The following NRXN1 variants were observed in gnomAD, a reference collection of about 807,000 sequenced individuals.
NRXN1 encodes neurexin 1.
In NRXN1, 39 loss-of-function variants were observed where a neutral mutation model predicts 150.9. That is an observed-to-expected ratio of 0.26 (90% confidence interval 0.20 to 0.34). NRXN1 has a LOEUF of 0.34. NRXN1 is among the 10% of genes least tolerant of loss of function. The pLI, the probability that NRXN1 is intolerant of heterozygous loss-of-function variation, is 1.00. For synonymous variants in NRXN1, 924 were observed against 757.0 expected (o/e 1.22, Z -3.62); for missense variants, 1,815 against 1,949.9 (o/e 0.93, Z 1.30).
intron 17 of NRXN1, among the ~76,000 whole-genome samples, chr2:50,384,174 C>G (rs2081158641): frequency 6.6e-6 from 1 of 152,134 alleles, no homozygotes; most frequent in Admixed American, 6.5e-5. Context: ...AAATGTTTTC[C>G]TATCTATTGA....
At chr2:51,012,748 A>G (rs1373861561) in intron 2 of NRXN1, among the ~76,000 whole-genome samples, 1 of 152,054 alleles carries the variant, frequency 6.6e-6, no homozygotes, top group Non-Finnish European at 1.5e-5. Flanking sequence ...GGGGTCAAAG[A>G]TGAGGCTAGA....
At chr2:50,823,490 T>A (rs886517393) in intron 5 of NRXN1, among the ~76,000 whole-genome samples, 1 of 152,202 alleles carries the variant, frequency 6.6e-6, no homozygotes, top group East Asian at 1.9e-4. Flanking sequence ...TTTGTTATTA[T>A]AAGTAGTAGC....
rs187204862 is a variant in NRXN1 at position 50,735,234 on chromosome 2, A to T, written c.833-111619T>A. On this transcript the variant is annotated intron_variant, in intron 5 of 22. Transcript: ENST00000401669. Reference sequence around the variant, plus strand: ...TGGATACCTTTATAATTTTTTTTTAATTTCACCAAATCAATATTTACATAT... The same window carrying T: ...TGGATACCTTTATAATTTTTTTTTATTTTCACCAAATCAATATTTACATAT... Among the ~76,000 whole-genome samples, 6 of 152,158 alleles carry T rather than the reference A, an allele frequency of 3.9e-5. No individual in the cohort carries two copies. The South Asian group carries it at 1.0e-3, about 26-fold the overall frequency.
intron 5 of NRXN1, among the ~76,000 whole-genome samples, chr2:50,785,397 T>A (rs1704965839): frequency 6.6e-6 from 1 of 151,854 alleles, no homozygotes; most frequent in Non-Finnish European, 1.5e-5. Flanking sequence ...TACAGGCACC[T>A]GCCACCACGC....
At position 50,628,591 on chromosome 2, in the gene NRXN1, G is replaced by A. The variant is rs559304049; in HGVS notation, c.833-4976C>T. Among the ~76,000 whole-genome samples, 17 of 151,726 alleles carry A rather than the reference G, an allele frequency of 1.1e-4. 1 individual carries two copies. The South Asian group carries it at 3.5e-3, about 32-fold the overall frequency. ...TACAATCTTTGTAAGTAAGCTTTGT[G>A]CTATTCTATAAACAAATACTAAGCA... is the stretch of plus-strand genomic sequence containing the variant. On this transcript the variant is annotated intron_variant, in intron 5 of 22. Transcript: ENST00000401669.
intron 17 of NRXN1, among the ~76,000 whole-genome samples, chr2:50,328,330 A>G (rs2076523026): frequency 6.6e-6 from 1 of 152,136 alleles, no homozygotes; most frequent in Non-Finnish European, 1.5e-5. Flanking sequence ...ACACCCCTGT[A>G]TAGCATGAGT....
intron 17 of NRXN1, among the ~76,000 whole-genome samples, chr2:50,261,758 G>C (rs188666644): frequency 6.6e-6 from 1 of 151,846 alleles, no homozygotes; most frequent in African/African-American, 2.4e-5. Context: ...CATCAGAGCA[G>C]TGTCTACACT....
chr2:50,396,530 A>G (rs2351518), intron 17 of NRXN1, among the ~76,000 whole-genome samples: 84,891 of 151,962 alleles, frequency 0.56, 24,821 homozygotes, highest in East Asian at 0.81. Context: ...AGAGTTTGAG[A>G]GTTTTTTGTT....
intron 22 of NRXN1, among the ~76,000 whole-genome samples, chr2:49,925,224 G>A (rs1668883673): frequency 6.7e-6 from 1 of 148,816 alleles, no homozygotes; most frequent in East Asian, 2.0e-4. Flanking sequence ...AGGTTGCAGT[G>A]AGCTGCGATC....
chr2:51,018,999 T>C (rs1225085192), intron 2 of NRXN1, among the ~76,000 whole-genome samples: 1 of 152,080 alleles, frequency 6.6e-6, no homozygotes, highest in African/African-American at 2.4e-5. Context: ...TTTTCTTTAT[T>C]ATCATGACAG....
intron 17 of NRXN1, among the ~76,000 whole-genome samples, chr2:50,270,638 A>G (rs1375526184): frequency 6.6e-6 from 1 of 151,784 alleles, no homozygotes; most frequent in Non-Finnish European, 1.5e-5. Context: ...GTACAAGCAA[A>G]TTATATATTT....
chr2:49,948,539 C>G (rs1673359464), intron 21 of NRXN1, among the ~76,000 whole-genome samples: 1 of 151,926 alleles, frequency 6.6e-6, no homozygotes, highest in Admixed American at 6.6e-5. Context: ...TAAAAGACCT[C>G]AAATCAATAG....
chr2:50,006,155 G>T (rs543043776), intron 21 of NRXN1, among the ~76,000 whole-genome samples: 1 of 152,016 alleles, frequency 6.6e-6, no homozygotes, highest in African/African-American at 2.4e-5. Context: ...CATCCTCAAA[G>T]CTCATAATCA....
At chr2:50,954,253 C>T (rs1040243595) in intron 2 of NRXN1, among the ~76,000 whole-genome samples, 11 of 152,288 alleles carry the variant, frequency 7.2e-5, no homozygotes, top group African/African-American at 2.6e-4. Context: ...TATGATATTA[C>T]ATTACTGCTC....
At chr2:50,165,521 G>A (rs1294945891) in intron 18 of NRXN1, among the ~76,000 whole-genome samples, 1 of 152,136 alleles carries the variant, frequency 6.6e-6, no homozygotes, top group African/African-American at 2.4e-5. Context: ...GCTAACTTTT[G>A]TATTTTTAGT....
intron 18 of NRXN1, among the ~76,000 whole-genome samples, chr2:50,232,596 A>G (rs571314325): frequency 1.4e-4 from 21 of 151,960 alleles, no homozygotes; most frequent in African/African-American, 4.8e-4. Flanking sequence ...CTTGTTGGCT[A>G]GCATAGTCTC....
At chr2:50,998,806 T>C (rs1339954908) in intron 2 of NRXN1, among the ~76,000 whole-genome samples, 1 of 152,082 alleles carries the variant, frequency 6.6e-6, no homozygotes, top group Admixed American at 6.6e-5. Flanking sequence ...ATGTGAATCC[T>C]TTCAAATTCT....
intron 15 of NRXN1, among the ~76,000 whole-genome samples, chr2:50,494,333 C>A (rs948228108): frequency 2.0e-5 from 3 of 152,078 alleles, no homozygotes; most frequent in African/African-American, 7.2e-5. Context: ...GCACTTTTTG[C>A]TTTAGCTTTG....
intron 17 of NRXN1, among the ~76,000 whole-genome samples, chr2:50,418,146 T>G (rs1368884754): frequency 7.9e-5 from 12 of 151,942 alleles, no homozygotes; most frequent in Admixed American, 7.9e-4. Flanking sequence ...GAGAGTTATT[T>G]AGGAGATGAA....
Sources: allele counts gnomAD v4.1 joint callset (sites outside exome capture counted in the v4.1 genomes callset), GRCh38; gene constraint gnomAD v4.1.1; transcripts MANE v1.5; gene names NCBI Gene and HGNC (gene_info 2026-07-23, HGNC 2026-07-21).